The following KCNIP4 variants were observed in gnomAD, a reference collection of about 807,000 sequenced individuals.
KCNIP4 encodes the protein Kv channel-interacting protein 4.
KCNIP4 carries 12 observed loss-of-function variants against 34.0 expected under a neutral mutation model. That is an observed-to-expected ratio of 0.35 (90% CI 0.23 to 0.57). The LOEUF (loss-of-function observed/expected upper bound fraction) is 0.57, where lower values mean the gene tolerates loss of function less well. Among genes scored for constraint, KCNIP4 ranks in the 20% least tolerant of loss-of-function variants. The probability of loss-of-function intolerance (pLI) is 0.83; values close to 1 mark genes in which losing one functional copy is unlikely to be tolerated. For missense variants in KCNIP4, 238 were observed against 311.7 expected (o/e 0.76, Z 1.78); for synonymous variants, 124 against 102.2 (o/e 1.21, Z -1.29).
chr4:21,649,415 G>T (rs60318180), intron 1 of KCNIP4, among the ~76,000 whole-genome samples: 2,695 of 152,176 alleles, frequency 0.018, 91 homozygotes, highest in African/African-American at 0.062. Flanking sequence ...ATAAGAAAGA[G>T]ATAAAAATGA....
At chr4:21,725,462 T>C (rs927189631) in intron 1 of KCNIP4, among the ~76,000 whole-genome samples, 5 of 152,112 alleles carry the variant, frequency 3.3e-5, no homozygotes, top group Admixed American at 2.0e-4. Flanking sequence ...CAGTGGATCA[T>C]GAGAAAAGAC....
chr4:21,183,272 G>T (rs1037895386), intron 1 of KCNIP4, among the ~76,000 whole-genome samples: 4 of 152,054 alleles, frequency 2.6e-5, no homozygotes, highest in African/African-American at 9.7e-5. Context: ...TGACTCCGTA[G>T]TCTAGCCATT....
At chr4:21,100,098 C>T (rs1169975343) in intron 1 of KCNIP4, among the ~76,000 whole-genome samples, 2 of 152,140 alleles carry the variant, frequency 1.3e-5, no homozygotes, top group Admixed American at 6.6e-5. Flanking sequence ...TTGAATATTA[C>T]ACAAACTTCG....
At chr4:21,409,308 G>A (rs562880040) in intron 1 of KCNIP4, among the ~76,000 whole-genome samples, 3 of 151,834 alleles carry the variant, frequency 2.0e-5, no homozygotes, top group East Asian at 1.9e-4. Flanking sequence ...GGAGAGGCAG[G>A]GGTCTCACTA....
chr4:20,872,081 T>G (rs1349793398), intron 2 of KCNIP4, among the ~76,000 whole-genome samples: 4 of 152,148 alleles, frequency 2.6e-5, no homozygotes, highest in African/African-American at 9.6e-5. Context: ...ATTTTGACAC[T>G]GATCCTTCTA....
intron 1 of KCNIP4, among the ~76,000 whole-genome samples, chr4:20,971,252 C>T (rs1734922164): frequency 6.6e-6 from 1 of 152,100 alleles, no homozygotes; most frequent in African/African-American, 2.4e-5. Context: ...TTTTTTCTGC[C>T]TGAGAAAGTC....
chr4:21,023,393 A>C (rs1040293713), intron 1 of KCNIP4, among the ~76,000 whole-genome samples: 1 of 152,160 alleles, frequency 6.6e-6, no homozygotes, highest in African/African-American at 2.4e-5. Context: ...ACAACCCACA[A>C]AATGGGGAAA....
intron 1 of KCNIP4, among the ~76,000 whole-genome samples, chr4:21,106,495 T>G (rs1275694945): frequency 6.6e-6 from 1 of 151,642 alleles, no homozygotes. Flanking sequence ...TCTTTTATTC[T>G]TTATTAGTCT....
intron 1 of KCNIP4, among the ~76,000 whole-genome samples, chr4:20,914,196 T>C (rs1165677809): frequency 2.0e-5 from 3 of 152,052 alleles, no homozygotes; most frequent in African/African-American, 7.2e-5. Context: ...TACCAGGCAT[T>C]CAATAAGTAC....
At chr4:21,181,175 A>G (rs1308631257) in intron 1 of KCNIP4, among the ~76,000 whole-genome samples, 1 of 152,160 alleles carries the variant, frequency 6.6e-6, no homozygotes, top group African/African-American at 2.4e-5. Context: ...TAGCATAAAG[A>G]CATTTAAGCT....
chr4:21,735,231 G>C (rs1008692517), intron 1 of KCNIP4, among the ~76,000 whole-genome samples: 1 of 152,180 alleles, frequency 6.6e-6, no homozygotes, highest in Admixed American at 6.5e-5. Context: ...CTCATGGTAT[G>C]CTAGAGCCGG....
chr4:21,468,177 T>C (rs1730154904), intron 1 of KCNIP4, among the ~76,000 whole-genome samples: 1 of 151,780 alleles, frequency 6.6e-6, no homozygotes, highest in Admixed American at 6.6e-5. Flanking sequence ...AAAGAGAGAA[T>C]AAAGCCAAAA....
At chr4:21,545,833 G>T (rs772308442) in intron 1 of KCNIP4, among the ~76,000 whole-genome samples, 1 of 152,116 alleles carries the variant, frequency 6.6e-6, no homozygotes, top group African/African-American at 2.4e-5. Flanking sequence ...GAATAGTGCT[G>T]CAATAAACAT....
At chr4:21,209,486 T>A (rs746877640) in intron 1 of KCNIP4, among the ~76,000 whole-genome samples, 4 of 152,164 alleles carry the variant, frequency 2.6e-5, no homozygotes, top group Non-Finnish European at 5.9e-5. Flanking sequence ...CTTCCATATA[T>A]GAATGAGAAC....
At chr4:21,885,593 T>C (rs970969837) in intron 1 of KCNIP4, among the ~76,000 whole-genome samples, 1 of 152,128 alleles carries the variant, frequency 6.6e-6, no homozygotes, top group Non-Finnish European at 1.5e-5. Context: ...CAAATTTTTA[T>C]AACCAAATCT....
At chr4:21,590,378 T>G (rs898760211) in intron 1 of KCNIP4, among the ~76,000 whole-genome samples, 2 of 151,872 alleles carry the variant, frequency 1.3e-5, no homozygotes, top group Non-Finnish European at 2.9e-5. Flanking sequence ...AAAAATAGAT[T>G]GCAGGGCCCC....
intron 1 of KCNIP4, among the ~76,000 whole-genome samples, chr4:21,147,147 G>C (rs1192358039): frequency 6.6e-6 from 1 of 152,158 alleles, no homozygotes; most frequent in Non-Finnish European, 1.5e-5. Flanking sequence ...GGGAGGTGAG[G>C]TATTCAAGAT....
intron 1 of KCNIP4, among the ~76,000 whole-genome samples, chr4:21,209,847 C>T (rs1402940775): frequency 6.6e-6 from 1 of 152,118 alleles, no homozygotes; most frequent in Non-Finnish European, 1.5e-5. Flanking sequence ...GAGATTTCGT[C>T]ATTAGTAAAT....
rs1404869446 is a variant in KCNIP4, at chr4:20,729,123, C to T, written c.*959G>A. On this transcript the variant is annotated 3_prime_UTR_variant, in exon 9 of 9. Coordinates refer to ENST00000382152, the MANE Select transcript of KCNIP4 (RefSeq NM_025221.6). ...GTAGTCAAGGTTTCTTTCTTTGTCC[C>T]TGAATGGCTTGTAATATAAATAAAC... 2 of 151,754 alleles carry T rather than the reference C, an allele frequency of 1.3e-5. No homozygotes were observed. Among genetic ancestry groups the T allele is most frequent in the Non-Finnish European group, 2.9e-5 (2 of 67,976 alleles). The allele number at this position is 151,754 out of a possible 1,614,324, so 9.4% of individuals were successfully genotyped here. A position where few individuals can be genotyped will look rare whatever the true frequency, so the allele number is the denominator to read the frequency against.
Sources: allele counts gnomAD v4.1 joint callset (sites outside exome capture counted in the v4.1 genomes callset), GRCh38; gene constraint gnomAD v4.1.1; transcripts MANE v1.5; gene names NCBI Gene and HGNC (gene_info 2026-07-23, HGNC 2026-07-21).